CADM2: variants seen among roughly 807,000 people sequenced by gnomAD.
CADM2 encodes the protein immunoglobulin superfamily member 4D.
CADM2 carries 12 observed loss-of-function variants against 49.8 expected under a neutral mutation model. The observed-to-expected ratio is 0.24, with a 90% CI of 0.15 to 0.39. The LOEUF (loss-of-function observed/expected upper bound fraction) is 0.39, where lower values mean the gene tolerates loss of function less well. CADM2 is among the 10% of genes least tolerant of loss of function. The probability of loss-of-function intolerance (pLI) is 1.00; values close to 1 mark genes in which losing one functional copy is unlikely to be tolerated. For missense variants in CADM2, 378 were observed against 492.3 expected (o/e 0.77, Z 2.20); for synonymous variants, 214 against 175.4 (o/e 1.22, Z -1.74).
At position 86,069,016 on chromosome 3, in the gene CADM2, G is replaced by A. The variant is rs2107453849; in HGVS notation, c.*2233G>A. 1 of 152,034 alleles carries A rather than the reference G, an allele frequency of 6.6e-6. No individual in the cohort carries two copies. The highest frequency in any genetic ancestry group is 2.1e-4 in the South Asian group (1 of 4,822). 9.4% of individuals were successfully genotyped at this position (152,034 alleles called of 1,614,324 possible). ...CCACAAAGCAAAATTCATCCTGTTA[G>A]TACAAAATGGAAAGGTTCTTATTAC... On this transcript the variant is annotated 3_prime_UTR_variant, in exon 10 of 10. Transcript: ENST00000383699.
intron 5 of CADM2, among the ~76,000 whole-genome samples, chr3:85,898,812 T>G (rs989220544): frequency 6.5e-4 from 98 of 150,990 alleles, no homozygotes; most frequent in African/African-American, 2.4e-3. Context: ...GTCTTCATTT[T>G]TCTTAGGCAA....
chr3:85,519,632 C>T (rs978731791), intron 1 of CADM2, among the ~76,000 whole-genome samples: 6 of 151,986 alleles, frequency 3.9e-5, no homozygotes, highest in African/African-American at 9.7e-5. Context: ...TTAATAAACA[C>T]GACATCAACT....
intron 1 of CADM2, among the ~76,000 whole-genome samples, chr3:85,627,335 C>T (rs1356956496): frequency 6.6e-6 from 1 of 151,900 alleles, no homozygotes; most frequent in Non-Finnish European, 1.5e-5. Context: ...TGGAATGGGT[C>T]CTGATTGTTT....
chr3:85,944,037 A>C (rs867147833), intron 7 of CADM2, among the ~76,000 whole-genome samples: 1 of 151,890 alleles, frequency 6.6e-6, no homozygotes, highest in Non-Finnish European at 1.5e-5. Flanking sequence ...CATCTCACCT[A>C]TAGAGACACA....
chr3:85,511,977 T>A, intron 1 of CADM2: 1 of 679,378 alleles, frequency 1.5e-6, no homozygotes, highest in Non-Finnish European at 1.8e-6. Flanking sequence ...TTGAAAAAAA[T>A]GTTTTAAAGC....
chr3:86,014,337 CA>C (rs778797891), intron 8 of CADM2: 17 of 1,389,222 alleles, frequency 1.2e-5, no homozygotes, highest in Non-Finnish European at 1.6e-5. Context: ...GGAAAATCTC[CA>C]GGGGCAAACC....
chr3:85,003,055 C>A (rs1476453637), intron 1 of CADM2, among the ~76,000 whole-genome samples: 1 of 152,136 alleles, frequency 6.6e-6, no homozygotes, highest in Non-Finnish European at 1.5e-5. Context: ...CTCAGCCTCT[C>A]AAAGTGCTGG....
At chr3:85,890,156 TTGAAA>T (rs1714231707) in intron 5 of CADM2, among the ~76,000 whole-genome samples, 1 of 151,618 alleles carries the variant, frequency 6.6e-6, no homozygotes, top group Non-Finnish European at 1.5e-5. Context: ...GACTTCAATA[TTGAAA>T]GGGGAAAGAG....
At chr3:85,286,973 T>C (rs895336676) in intron 1 of CADM2, among the ~76,000 whole-genome samples, 4 of 152,164 alleles carry the variant, frequency 2.6e-5, no homozygotes, top group Non-Finnish European at 5.9e-5. Context: ...GACCTATCCA[T>C]ATTATGAGAA....
At chr3:85,808,373 A>G (rs2072588738) in intron 3 of CADM2, among the ~76,000 whole-genome samples, 1 of 152,126 alleles carries the variant, frequency 6.6e-6, no homozygotes, top group South Asian at 2.1e-4. Flanking sequence ...TAGAGTGGGT[A>G]TAGGGAGACA....
At chr3:86,046,941 A>T (rs1451260192) in intron 8 of CADM2, among the ~76,000 whole-genome samples, 1 of 151,948 alleles carries the variant, frequency 6.6e-6, no homozygotes, top group Non-Finnish European at 1.5e-5. Context: ...AATGCTGTTG[A>T]TGTTTGCTGA....
rs1243776873 is a variant in CADM2, at chr3:85,704,134, G to T, written c.62-22388G>T. Among the ~76,000 whole-genome samples, 6 of 152,122 alleles carry T rather than the reference G, an allele frequency of 3.9e-5. No homozygotes were observed. In the East Asian group the frequency reaches 1.2e-3, roughly 29 times the overall value. On this transcript the variant is annotated intron_variant, in intron 1 of 9. Transcript: ENST00000383699. ...CTGTTTCTTCAGAGTTAAGGGCAGT[G>T]CCTGATTCAAGTGTTTGATTTTTTG...
intron 1 of CADM2, among the ~76,000 whole-genome samples, chr3:85,106,812 C>T (rs1212343936): frequency 6.6e-6 from 1 of 152,016 alleles, no homozygotes; most frequent in Non-Finnish European, 1.5e-5. Context: ...AGAGAAGCAT[C>T]TATATACAGC....
chr3:85,158,840 A>G (rs2107662947), intron 1 of CADM2, among the ~76,000 whole-genome samples: 1 of 152,190 alleles, frequency 6.6e-6, no homozygotes, highest in Non-Finnish European at 1.5e-5. Context: ...TTAAAGTATA[A>G]TGATAATAAA....
At chr3:85,747,606 C>G (rs1215591454) in intron 2 of CADM2, among the ~76,000 whole-genome samples, 1 of 152,000 alleles carries the variant, frequency 6.6e-6, no homozygotes. Flanking sequence ...CTTTATTCTT[C>G]TATGATGTTC....
chr3:85,024,839 C>T (rs73139694), intron 1 of CADM2, among the ~76,000 whole-genome samples: 13,661 of 151,758 alleles, frequency 0.09, 836 homozygotes, highest in Non-Finnish European at 0.14. Context: ...CATTAACATA[C>T]AATATACAAT....
At chr3:85,329,999 C>T (rs1302819813) in intron 1 of CADM2, among the ~76,000 whole-genome samples, 1 of 152,076 alleles carries the variant, frequency 6.6e-6, no homozygotes, top group Non-Finnish European at 1.5e-5. Flanking sequence ...TAGGAGATAA[C>T]TCATTTCTCA....
chr3:85,129,831 T>C (rs2039165399), intron 1 of CADM2, among the ~76,000 whole-genome samples: 1 of 152,226 alleles, frequency 6.6e-6, no homozygotes, highest in Non-Finnish European at 1.5e-5. Context: ...TGTATACATA[T>C]AAACCCATGT....
intron 1 of CADM2, among the ~76,000 whole-genome samples, chr3:85,682,494 A>G (rs2066067707): frequency 6.6e-6 from 1 of 152,098 alleles, no homozygotes; most frequent in Admixed American, 6.6e-5. Context: ...GAGCATTAAA[A>G]GAAGCTAGTT....
Sources: gnomAD v4.1 joint callset for allele counts (sites outside exome capture counted in the v4.1 genomes callset) on GRCh38, gnomAD v4.1.1 for gene constraint, MANE v1.5 for transcripts, NCBI Gene and HGNC (gene_info 2026-07-23, HGNC 2026-07-21) for gene names.